The following ZBTB8A variants were observed in gnomAD, a reference collection of about 807,000 sequenced individuals.
ZBTB8A encodes zinc finger and BTB domain containing 8A, also known as zinc finger and BTB domain-containing protein 8A.
ZBTB8A carries 19 observed loss-of-function variants against 37.8 expected under a neutral mutation model. The observed-to-expected ratio is 0.50, with a 90% CI of 0.35 to 0.74. The LOEUF (loss-of-function observed/expected upper bound fraction) is 0.74. Ranked by LOEUF, ZBTB8A falls within the 30% of genes least tolerant of loss-of-function variation. The pLI is 0.01. For missense variants in ZBTB8A, 394 were observed against 537.8 expected (o/e 0.73, Z 2.65); for synonymous variants, 181 against 185.2 (o/e 0.98, Z 0.19).
At chr1:32,590,323 C>T (rs1644478564) in intron 2 of ZBTB8A, among the ~76,000 whole-genome samples, 1 of 151,912 alleles carries the variant, frequency 6.6e-6, no homozygotes, top group Non-Finnish European at 1.5e-5. Flanking sequence ...CACTGGGCTT[C>T]AGTATCTCAC....
intron 2 of ZBTB8A, among the ~76,000 whole-genome samples, chr1:32,555,767 C>T (rs1267560153): frequency 3.9e-5 from 6 of 152,142 alleles, no homozygotes; most frequent in African/African-American, 9.7e-5. Flanking sequence ...CTAGTGGCCT[C>T]CTGTCCATAT....
At chr1:32,590,340 C>A (rs953300639) in intron 2 of ZBTB8A, among the ~76,000 whole-genome samples, 1 of 152,028 alleles carries the variant, frequency 6.6e-6, no homozygotes, top group African/African-American at 2.4e-5. Flanking sequence ...TCACCTAAGG[C>A]CTTTTTTTTC....
intron 3 of ZBTB8A, among the ~76,000 whole-genome samples, chr1:32,594,816 A>T (rs1644517161): frequency 1.3e-5 from 2 of 152,058 alleles, no homozygotes; most frequent in African/African-American, 4.8e-5. Context: ...CTTTCTAAAT[A>T]TATCAAATAC....
At position 32,545,130 on chromosome 1, in the gene ZBTB8A, A is replaced by G. The variant is rs190248906; in HGVS notation, c.-84+5558A>G. On this transcript the variant is annotated intron_variant, in intron 1 of 4. Coordinates refer to ENST00000373510, the MANE Select transcript of ZBTB8A (RefSeq NM_001040441.3). ...TTATATTTCCACCAGCAGTGTGTGA[A>G]GGTTCTTACTTATCTATACTCTGGC... Among the ~76,000 whole-genome samples the G allele has an allele frequency of 6.6e-4, 101 of 152,292 alleles. 1 individual carries two copies. The highest frequency in any genetic ancestry group is 2.3e-3 in the African/African-American group (96 of 41,570).
intron 2 of ZBTB8A, among the ~76,000 whole-genome samples, chr1:32,568,159 T>C (rs1261603437): frequency 6.6e-6 from 1 of 151,906 alleles, no homozygotes; most frequent in African/African-American, 2.4e-5. Context: ...GAGAAAAAAT[T>C]AAGATATAAT....
At chr1:32,599,977 G>T in intron 4 of ZBTB8A, 110 bp from the exon 5 acceptor site, 1 of 781,966 alleles carries the variant, frequency 1.3e-6, no homozygotes. Flanking sequence ...ATGTTAATTT[G>T]AGTTTAATGC....
chr1:32,595,650 GC>G (rs1644524867), intron 4 of ZBTB8A, among the ~76,000 whole-genome samples: 1 of 149,378 alleles, frequency 6.7e-6, no homozygotes, highest in Non-Finnish European at 1.5e-5. Flanking sequence ...GCTCACTGCA[GC>G]TTTTGTTTTT....
In ZBTB8A at chr1:32,602,043, C is replaced by T. The variant is rs925435379; in HGVS notation, c.*1624C>T. On this transcript the variant is annotated 3_prime_UTR_variant, in exon 5 of 5. Transcript: ENST00000373510. ...AGTATACAAAGTTTAAACTTCTCCCCTTTGGGCTGGGCCCAGTGGCTCACG... is the reference window on the plus strand; with the variant it reads ...AGTATACAAAGTTTAAACTTCTCCCTTTTGGGCTGGGCCCAGTGGCTCACG... 1 of 158,858 alleles carries T rather than the reference C, an allele frequency of 6.3e-6. No homozygotes were observed. The highest frequency in any genetic ancestry group is 6.5e-5 in the Admixed American group (1 of 15,454). 9.8% of individuals were successfully genotyped at this position (158,858 alleles called of 1,614,324 possible).
At chr1:32,598,033 T>C (rs2148254491) in intron 4 of ZBTB8A, among the ~76,000 whole-genome samples, 1 of 151,662 alleles carries the variant, frequency 6.6e-6, no homozygotes, top group Admixed American at 6.6e-5. Context: ...GGATTACAGA[T>C]GTGAGCTACT....
At chr1:32,556,067 T>A (rs886416029) in intron 2 of ZBTB8A, among the ~76,000 whole-genome samples, 11 of 150,236 alleles carry the variant, frequency 7.3e-5, no homozygotes, top group Middle Eastern at 3.2e-3. Flanking sequence ...TGCAATTTTT[T>A]ATTTTTATTT....
rs1416047838 is a variant in ZBTB8A at position 32,593,769 on chromosome 1, C to T, written c.823+15C>T. On this transcript the variant is annotated intron_variant, in intron 3 of 4. Coordinates refer to ENST00000373510, the MANE Select transcript of ZBTB8A (RefSeq NM_001040441.3). ...AAGCTTTCCAGGTACCCAAAAAGAG[C>T]ATAAGTCCCCTCATCCAGGTTCCAA... 2 of 1,586,754 alleles carry T rather than the reference C, an allele frequency of 1.3e-6. No individual in the cohort carries two copies. Among genetic ancestry groups the T allele is most frequent in the Admixed American group, 3.5e-5 (2 of 56,496 alleles).
At chr1:32,571,953 G>C (rs1229053355) in intron 2 of ZBTB8A, among the ~76,000 whole-genome samples, 1 of 151,900 alleles carries the variant, frequency 6.6e-6, no homozygotes, top group Non-Finnish European at 1.5e-5. Flanking sequence ...ACCTGGGCTA[G>C]AGTGCAGTGG....
At chr1:32,544,676 G>C (rs1031062839) in intron 1 of ZBTB8A, among the ~76,000 whole-genome samples, 2 of 152,210 alleles carry the variant, frequency 1.3e-5, no homozygotes, top group African/African-American at 2.4e-5. Context: ...CAGCCTGGGG[G>C]ATAGAGCAAG....
chr1:32,548,410 C>A (rs1644124148), intron 1 of ZBTB8A, among the ~76,000 whole-genome samples: 1 of 152,066 alleles, frequency 6.6e-6, no homozygotes. Flanking sequence ...TCTCGGCTCA[C>A]TGCAACCACC....
At chr1:32,590,503 G>A (rs980215029) in intron 2 of ZBTB8A, among the ~76,000 whole-genome samples, 5 of 152,150 alleles carry the variant, frequency 3.3e-5, no homozygotes, top group Non-Finnish European at 7.3e-5. Context: ...TACTGGTAAG[G>A]ACCTAGTCCC....
chr1:32,562,611 CTGT>C (rs1043178165), intron 2 of ZBTB8A, among the ~76,000 whole-genome samples: 1 of 134,368 alleles, frequency 7.4e-6, no homozygotes, highest in Non-Finnish European at 1.6e-5. Context: ...AGTCTTCGCT[CTGT>C]CACCCAGGCT....
intron 2 of ZBTB8A, among the ~76,000 whole-genome samples, chr1:32,579,901 TATAG>T (rs1274444516): frequency 6.6e-6 from 1 of 152,224 alleles, no homozygotes; most frequent in Non-Finnish European, 1.5e-5. Flanking sequence ...TTTTTTACTT[TATAG>T]ATATACAGTA....
At chr1:32,574,112 A>G (rs879292391) in intron 2 of ZBTB8A, among the ~76,000 whole-genome samples, 13 of 152,072 alleles carry the variant, frequency 8.5e-5, no homozygotes, top group Admixed American at 6.6e-4. Flanking sequence ...ATAATAAATG[A>G]ACTATACGTT....
At chr1:32,594,553 G>A (rs1644515126) in intron 3 of ZBTB8A, among the ~76,000 whole-genome samples, 1 of 152,094 alleles carries the variant, frequency 6.6e-6, no homozygotes, top group Non-Finnish European at 1.5e-5. Flanking sequence ...ATGAGGTCAG[G>A]AGTTCAAGAC....
Sources: allele counts gnomAD v4.1 joint callset (sites outside exome capture counted in the v4.1 genomes callset), GRCh38; gene constraint gnomAD v4.1.1; transcripts MANE v1.5; gene names NCBI Gene and HGNC (gene_info 2026-07-23, HGNC 2026-07-21).